Variants in ZSCAN5B observed in about 807,000 individuals in gnomAD.
ZSCAN5B encodes zinc finger and SCAN domain containing 5B.
Under a neutral mutation model 25.2 loss-of-function variants are expected in ZSCAN5B, and 26 were observed. The ratio of observed to expected loss-of-function variants is 1.03; its 90% CI spans 0.76 to 1.43. The LOEUF (loss-of-function observed/expected upper bound fraction) is 1.43, where lower values mean the gene tolerates loss of function less well. Among genes scored for constraint, ZSCAN5B ranks in the 40% most tolerant of loss-of-function variants. ZSCAN5B has a pLI of 0.00. For synonymous variants in ZSCAN5B, 244 were observed against 240.9 expected, an observed-to-expected ratio of 1.01 and a Z score of -0.12; for missense variants, 745 against 622.1, an observed-to-expected ratio of 1.20 and a Z score of -2.10.
At chr19:56,190,004 C>A (rs1037604229) in exon 5 of ZSCAN5B, 2 of 1,613,938 alleles carry the variant, frequency 1.2e-6, no homozygotes, top group Admixed American at 1.7e-5. Flanking sequence ...ATTTAAACGG[C>A]CTCTCCCCGG....
chr19:56,191,854 C>T (rs369294779), exon 3 of ZSCAN5B: 2 of 1,613,918 alleles, frequency 1.2e-6, no homozygotes, highest in African/African-American at 1.3e-5. Flanking sequence ...ACTCACCTGC[C>T]TCCTGGACAG....
intron 3 of ZSCAN5B, among the ~76,000 whole-genome samples, 167 bp downstream of exon 3, chr19:56,191,683 C>T (rs1301498741): frequency 7.8e-6 from 1 of 127,452 alleles, no homozygotes; most frequent in Admixed American, 1.0e-4. Flanking sequence ...GATGAGGCTT[C>T]CCTCTCTGTG....
chr19:56,193,872 G>C (rs2032773038), intron 1 of ZSCAN5B, among the ~76,000 whole-genome samples: 1 of 151,082 alleles, frequency 6.6e-6, no homozygotes, highest in Non-Finnish European at 1.5e-5. Flanking sequence ...TGAGGCAGGA[G>C]AATGGCGTGA....
At chr19:56,190,756 G>C in intron 4 of ZSCAN5B, 81 bp downstream of exon 4, 2 of 1,556,876 alleles carry the variant, frequency 1.3e-6, no homozygotes, top group South Asian at 2.5e-5. Flanking sequence ...GCCAGCCCCA[G>C]GGGATGATAA....
In ZSCAN5B at chr19:56,190,038, A is replaced by G. The variant is rs916110839; in HGVS notation, c.1277T>C (p.Leu426Ser). ...GGTGTGGATCCTCTTGTGGCCCTGTAAGGTGGACTCGTGGGCGAACCGCTT... is the reference window on the plus strand; with the variant it reads ...GGTGTGGATCCTCTTGTGGCCCTGTGAGGTGGACTCGTGGGCGAACCGCTT... Residue 426 changes from leucine to serine, a missense_variant, in exon 5 of 5, where the codon TTA becomes TCA. Transcript: ENST00000586855. 7.4e-6 allele frequency: 12 copies of G among 1,613,110 alleles called. No individual in the cohort carries two copies. In the African/African-American group the frequency reaches 1.3e-4, roughly 18 times the overall value.
chr19:56,192,883 T>C, exon 2 of ZSCAN5B: 1 of 1,613,964 alleles, frequency 6.2e-7, no homozygotes, highest in Non-Finnish European at 8.5e-7. Flanking sequence ...CTGGATGGGG[T>C]CCGACTCCTC....
chr19:56,192,885 C>A (rs1160010938), exon 2 of ZSCAN5B: 2 of 1,613,880 alleles, frequency 1.2e-6, no homozygotes, highest in Non-Finnish European at 8.5e-7. Flanking sequence ...GGATGGGGTC[C>A]GACTCCTCTG....
chr19:56,190,479 T>A (rs746453618), exon 5 of ZSCAN5B: 25 of 1,613,898 alleles, frequency 1.5e-5, no homozygotes, highest in Admixed American at 3.3e-5. Flanking sequence ...AGTCAAAGCT[T>A]CTCTCTCCAC....
At chr19:56,197,688 G>A (rs1046836123) in intron 1 of ZSCAN5B, 46 bp downstream of exon 1, 31 of 959,492 alleles carry the variant, frequency 3.2e-5, no homozygotes, top group South Asian at 1.9e-4. Flanking sequence ...CCAACCCCCC[G>A]CATGCCAGCT....
In ZSCAN5B at chr19:56,191,971, T is replaced by C. The variant is rs767280492; in HGVS notation, c.467A>G (p.Asp156Gly). 7 of 1,613,876 alleles carry C rather than the reference T, an allele frequency of 4.3e-6. No individual in the cohort carries two copies. Among genetic ancestry groups the C allele is most frequent in the Non-Finnish European group, 5.9e-6 (7 of 1,179,956 alleles). Residue 156 changes from aspartate to glycine, a missense_variant, in exon 3 of 5, where the codon GAT (aspartate) becomes GGT (glycine). Asp to Gly is a moderately conservative substitution (Grantham distance 94, BLOSUM62 -1). Coordinates refer to ENST00000586855, the Ensembl canonical transcript of ZSCAN5B. ...CTGGCTGGACACGTCTCTCGGATCA[T>C]CTCTGACACTGGCGGGGGCTTCAGC...
chr19:56,191,123 A>C, intron 3 of ZSCAN5B, 136 bp from the exon 4 acceptor site: 10 of 1,196,528 alleles, frequency 8.4e-6, no homozygotes, highest in Non-Finnish European at 1.2e-5. Flanking sequence ...TCACCACCTC[A>C]TTTCTGCGTC....
At chr19:56,194,703 T>G (rs933966861) in intron 1 of ZSCAN5B, among the ~76,000 whole-genome samples, 10 of 152,164 alleles carry the variant, frequency 6.6e-5, no homozygotes, top group African/African-American at 2.2e-4. Flanking sequence ...CTGCAACCTC[T>G]GCTGCCCAGG....
Position 56,193,079 on chromosome 19 carries a change from C to A in ZSCAN5B, c.-27G>T. 6.6e-7 allele frequency: 1 copy of A among 1,512,096 alleles called. No individual in the cohort carries two copies. The highest frequency in any genetic ancestry group is 8.9e-7 in the Non-Finnish European group (1 of 1,124,356). 93.7% of individuals were successfully genotyped at this position (1,512,096 alleles called of 1,614,324 possible). On this transcript the variant is annotated 5_prime_UTR_variant, in exon 2 of 5. It adds an upstream start codon to the 5' untranslated region. Transcript: ENST00000586855. ...TCTACTGGAGAATATTTCAATCAGC[C>A]TCTGAGCAAGCTCTTCCAGTAGCCA...
chr19:56,195,188 A>G (rs1187012116), intron 1 of ZSCAN5B, among the ~76,000 whole-genome samples: 1 of 152,174 alleles, frequency 6.6e-6, no homozygotes, highest in Non-Finnish European at 1.5e-5. Flanking sequence ...CCAGGGAGAC[A>G]ATCGGCAGAG....
exon 3 of ZSCAN5B, chr19:56,191,969 C>A (rs1467102400): frequency 3.1e-6 from 5 of 1,613,940 alleles, no homozygotes; most frequent in Non-Finnish European, 4.2e-6. Context: ...TCTCTCGGAT[C>A]ATCTCTGACA....
exon 5 of ZSCAN5B, chr19:56,189,755 C>T: frequency 1.3e-6 from 2 of 1,518,354 alleles, no homozygotes; most frequent in Non-Finnish European, 1.8e-6. Flanking sequence ...GTGTATATGT[C>T]ATCTGGTAAC....
At chr19:56,190,311 G>A (rs2032711710) in exon 5 of ZSCAN5B, 4 of 1,614,154 alleles carry the variant, frequency 2.5e-6, no homozygotes, top group Non-Finnish European at 2.5e-6. Flanking sequence ...CGCAGGGCCT[G>A]GGGAATGAAC....
chr19:56,197,736 C>A (rs1966647), exon 1 of ZSCAN5B: 1 of 976,514 alleles, frequency 1.0e-6, no homozygotes. Context: ...ACACTCACCT[C>A]CTTCCCGGCT....
exon 5 of ZSCAN5B, chr19:56,190,553 C>G (rs1256964235): frequency 6.2e-7 from 1 of 1,612,642 alleles, no homozygotes; most frequent in African/African-American, 1.3e-5. Context: ...GGGGTTCCTT[C>G]CCCTCCTTTG....
Sources: gnomAD v4.1 joint callset for allele counts (sites outside exome capture counted in the v4.1 genomes callset) on GRCh38, gnomAD v4.1.1 for gene constraint, MANE v1.5 for transcripts, NCBI Gene and HGNC (gene_info 2026-07-23, HGNC 2026-07-21) for gene names.